The following CLYBL variants were observed in gnomAD, a reference collection of about 807,000 sequenced individuals.
CLYBL encodes the protein citramalyl-CoA lyase.
A neutral mutation model predicts 38.9 loss-of-function variants in CLYBL; 31 were observed. The observed-to-expected ratio is 0.80, with a 90% CI of 0.60 to 1.08. The LOEUF (loss-of-function observed/expected upper bound fraction) is 1.08, where lower values mean the gene tolerates loss of function less well. Ranked by LOEUF, CLYBL falls within the 50% of genes least tolerant of loss-of-function variation. The probability of loss-of-function intolerance (pLI) is 0.00; values close to 1 mark genes in which losing one functional copy is unlikely to be tolerated. For missense variants in CLYBL, 434 were observed against 411.6 expected, an observed-to-expected ratio of 1.05 and a Z score of -0.47; for synonymous variants, 171 against 158.6, an observed-to-expected ratio of 1.08 and a Z score of -0.59.
intron 2 of CLYBL, among the ~76,000 whole-genome samples, chr13:99,814,860 A>T (rs1356137804): frequency 6.6e-6 from 1 of 152,098 alleles, no homozygotes. Context: ...GTGAGACCTC[A>T]TCTCTACAAA....
chr13:99,844,040 A>G (rs577409266), intron 2 of CLYBL, among the ~76,000 whole-genome samples: 2 of 152,320 alleles, frequency 1.3e-5, no homozygotes, highest in East Asian at 3.9e-4. Context: ...GGCCGGTGAC[A>G]GAATGCATGT....
intron 2 of CLYBL, among the ~76,000 whole-genome samples, chr13:99,839,328 A>G (rs1348635738): frequency 1.3e-5 from 2 of 152,226 alleles, no homozygotes; most frequent in African/African-American, 4.8e-5. Context: ...ACCCAGGGAA[A>G]CATACGGACC....
chr13:99,698,544 T>G (rs974592772), intron 1 of CLYBL, among the ~76,000 whole-genome samples: 1 of 152,200 alleles, frequency 6.6e-6, no homozygotes, highest in African/African-American at 2.4e-5. Flanking sequence ...ACATTTCCAC[T>G]GGGACTTGCT....
chr13:99,648,257 G>A (rs546074302), intron 1 of CLYBL, among the ~76,000 whole-genome samples: 1 of 152,250 alleles, frequency 6.6e-6, no homozygotes, highest in East Asian at 1.9e-4. Context: ...TCTCACAATT[G>A]GCAGGACTAT....
intron 1 of CLYBL, among the ~76,000 whole-genome samples, chr13:99,706,698 C>G (rs1206759245): frequency 6.6e-6 from 1 of 152,198 alleles, no homozygotes; most frequent in Non-Finnish European, 1.5e-5. Context: ...TACCTATTTT[C>G]CCTCCAGCAC....
chr13:99,891,286 C>A (rs1456782721), intron 7 of CLYBL, 32 bp from the exon 8 acceptor site: 1 of 1,481,182 alleles, frequency 6.8e-7, no homozygotes, highest in East Asian at 2.3e-5. Flanking sequence ...TTCGAGTATT[C>A]TTTCAGGAAG....
chr13:99,839,203 A>C (rs887838714), intron 2 of CLYBL, among the ~76,000 whole-genome samples: 3 of 152,242 alleles, frequency 2.0e-5, no homozygotes, highest in African/African-American at 7.2e-5. Flanking sequence ...AAGGGGCATC[A>C]CCAAACCTGG....
intron 1 of CLYBL, among the ~76,000 whole-genome samples, chr13:99,719,773 G>T (rs193281585): frequency 3.0e-4 from 46 of 152,278 alleles, no homozygotes; most frequent in Admixed American, 6.5e-4. Flanking sequence ...CCCACAAAGT[G>T]CTGGGATTAC....
At chr13:99,835,799 G>A (rs1472846836) in intron 2 of CLYBL, among the ~76,000 whole-genome samples, 1 of 152,216 alleles carries the variant, frequency 6.6e-6, no homozygotes, top group African/African-American at 2.4e-5. Context: ...CCAGACCCAG[G>A]TAAGAGTAAA....
intron 2 of CLYBL, among the ~76,000 whole-genome samples, chr13:99,813,372 C>T (rs932277654): frequency 5.9e-5 from 9 of 152,204 alleles, no homozygotes; most frequent in Non-Finnish European, 1.0e-4. Flanking sequence ...GGGTCAAGTG[C>T]AAGAACAGTA....
intron 2 of CLYBL, among the ~76,000 whole-genome samples, chr13:99,819,420 AT>A (rs2050531217): frequency 2.4e-4 from 2 of 8,402 alleles, no homozygotes; most frequent in Non-Finnish European, 3.8e-4. Context: ...AAAAATTTAT[AT>A]ATATATATAT....
chr13:99,696,135 A>G (rs2047975722), intron 1 of CLYBL, among the ~76,000 whole-genome samples: 1 of 152,210 alleles, frequency 6.6e-6, no homozygotes, highest in African/African-American at 2.4e-5. Context: ...CTCCTCTGGC[A>G]AGTCTTTTCC....
chr13:99,776,189 A>G (rs2049512129), intron 2 of CLYBL, among the ~76,000 whole-genome samples: 1 of 143,878 alleles, frequency 7.0e-6, no homozygotes, highest in Non-Finnish European at 1.5e-5. Context: ...AAAAACAAAT[A>G]ATAATAATAA....
chr13:99,673,267 G>A lies in CLYBL; in HGVS notation c.62+66510G>A, dbSNP rs185602921. 1.2e-3 allele frequency among the ~76,000 whole-genome samples: 182 copies of A among 152,208 alleles called. 2 individuals are homozygous for A. Among genetic ancestry groups the A allele is most frequent in the African/African-American group, 4.1e-3 (171 of 41,550 alleles). ...GTTTCTATTAAAAATACAAAAATTA[G>A]CCGGGCATGGTGGCGCACACCTGTA... On this transcript the variant is annotated intron_variant, in intron 1 of 8. Transcript: ENST00000339105.
rs761939321 is a variant in CLYBL, at chr13:99,613,022, G to GATA, written c.62+6267_62+6268insAAT. Among the ~76,000 whole-genome samples the GATA allele has an allele frequency of 8.3e-3, 1,136 of 136,864 alleles. 18 individuals are homozygous for GATA. Among genetic ancestry groups the GATA allele is most frequent in the African/African-American group, 0.026 (943 of 35,978 alleles). The allele number at this position is 136,864 out of a possible 152,430, so 89.8% of individuals were successfully genotyped here. ...AGAGCAAAGCTCTATTAAAAATAGTGATGATAATAATAATAATAATAATAA... is the reference window on the plus strand; with the variant it reads ...AGAGCAAAGCTCTATTAAAAATAGTGATAATGATAATAATAATAATAATAATAA... On this transcript the variant is annotated intron_variant, in intron 1 of 8. Coordinates refer to ENST00000339105, the MANE Select transcript of CLYBL (RefSeq NM_206808.5).
At chr13:99,747,142 C>G (rs2048865718) in intron 1 of CLYBL, among the ~76,000 whole-genome samples, 1 of 152,094 alleles carries the variant, frequency 6.6e-6, no homozygotes, top group Non-Finnish European at 1.5e-5. Context: ...CAGGCACATG[C>G]GCCATTGTCA....
At chr13:99,909,304 C>T (rs953555954) in exon 10 of CLYBL, among the ~76,000 whole-genome samples, 10 of 152,228 alleles carry the variant, frequency 6.6e-5, no homozygotes, top group Non-Finnish European at 1.3e-4. Context: ...TTGTCTCATT[C>T]TGTAAAATGG....
intron 1 of CLYBL, among the ~76,000 whole-genome samples, chr13:99,681,660 C>T (rs1187126873): frequency 2.8e-5 from 4 of 143,540 alleles, no homozygotes; most frequent in African/African-American, 1.2e-4. Context: ...GGTCTCGGCT[C>T]ATTGCAACCT....
At chr13:99,855,343 C>T (rs937241430) in intron 2 of CLYBL, among the ~76,000 whole-genome samples, 7 of 152,164 alleles carry the variant, frequency 4.6e-5, no homozygotes, top group African/African-American at 1.7e-4. Context: ...TTTCCTTTTT[C>T]TCCTTCCTCC....
Sources: gnomAD v4.1 joint callset for allele counts (sites outside exome capture counted in the v4.1 genomes callset) on GRCh38, gnomAD v4.1.1 for gene constraint, MANE v1.5 for transcripts, NCBI Gene and HGNC (gene_info 2026-07-23, HGNC 2026-07-21) for gene names.